USP40: variants seen among roughly 807,000 people sequenced by gnomAD.
The protein encoded by USP40 is ubiquitin specific peptidase 40.
In USP40, 143 loss-of-function variants were observed where a neutral mutation model predicts 166.2. The observed-to-expected ratio is 0.86, with a 90% CI of 0.75 to 0.99. USP40 has a LOEUF of 0.99. Ranked by LOEUF, USP40 falls within the 50% of genes least tolerant of loss-of-function variation. The pLI, the probability that USP40 is intolerant of heterozygous loss-of-function variation, is 0.00. For missense variants in USP40, 1,444 were observed against 1,479.7 expected (o/e 0.98, Z 0.40); for synonymous variants, 498 against 524.0 (o/e 0.95, Z 0.68).
At chr2:233,530,384 T>C (rs1272737456) in intron 11 of USP40, among the ~76,000 whole-genome samples, 3 of 152,232 alleles carry the variant, frequency 2.0e-5, no homozygotes, top group Non-Finnish European at 4.4e-5. Flanking sequence ...AATCTTTTTC[T>C]GTTAGACATT....
intron 6 of USP40, among the ~76,000 whole-genome samples, chr2:233,554,033 C>T (rs2070824409): frequency 6.6e-6 from 1 of 152,134 alleles, no homozygotes; most frequent in Non-Finnish European, 1.5e-5. Context: ...AGACAGCCAT[C>T]TACTTTCATA....
intron 31 of USP40, among the ~76,000 whole-genome samples, chr2:233,478,565 C>T (rs1294556724): frequency 6.6e-6 from 1 of 152,160 alleles, no homozygotes; most frequent in African/African-American, 2.4e-5. Flanking sequence ...TACCCTCTGA[C>T]CTAGCAATTC....
Position 233,533,621 on chromosome 2 carries a change from G to A in USP40, c.1329C>T (p.Ser443=). Residue 443 remains serine (S), a synonymous_variant, in exon 11 of 32, where the codon AGC becomes AGT. Transcript: ENST00000678225. ...LPPESPGLNN[S]ISCPHWFDIN... The stretch of plus-strand genomic sequence containing the variant: ...TATCAAACCAGTGGGGACAGGAGAT[G>A]CTATTGTTTAAACCTGGGGATTCTG... 1 of 1,613,828 alleles carries A rather than the reference G, an allele frequency of 6.2e-7. No individual in the cohort carries two copies.
chr2:233,491,709 A>G (rs1261731403), intron 25 of USP40, among the ~76,000 whole-genome samples: 3 of 152,030 alleles, frequency 2.0e-5, no homozygotes, highest in African/African-American at 2.4e-5. Flanking sequence ...CAGGCCATCT[A>G]TCTTGTCTCC....
chr2:233,512,803 C>G, intron 18 of USP40, 181 bp from the exon 19 acceptor site: 1 of 326,072 alleles, frequency 3.1e-6, no homozygotes, highest in Non-Finnish European at 5.6e-6. Flanking sequence ...CCAAAAACCC[C>G]CCAACAACCA....
intron 10 of USP40, 31 bp downstream of exon 10, chr2:233,540,631 T>G (rs750218908): frequency 6.9e-7 from 1 of 1,459,506 alleles, no homozygotes; most frequent in Non-Finnish European, 9.5e-7. Flanking sequence ...TTCTTGGGAC[T>G]AGGACTTCCC....
rs758148468 is a variant in USP40, at chr2:233,554,485, G to T, written c.588C>A (p.Ser196=). 2 of 1,611,310 alleles carry T rather than the reference G, an allele frequency of 1.2e-6. No homozygotes were observed. Among genetic ancestry groups the T allele is most frequent in the Non-Finnish European group, 1.7e-6 (2 of 1,179,042 alleles). The change falls in exon 6 of 32, where the codon TCC becomes TCA. Residue 196 remains serine, a synonymous_variant. Transcript: ENST00000678225. ...LDLTVAVKNV[S]GLEDALWNMY... ...TGTTCCAGAGAGCATCTTCCAAACC[G>T]GATACATTTTTGACTGCTACTGTTA...
Position 233,486,779 on chromosome 2 carries a change from G to A in USP40, c.3198-802C>T, listed in dbSNP as rs533464443. On this transcript the variant is annotated intron_variant, in intron 28 of 31. Coordinates refer to ENST00000678225, the MANE Select transcript of USP40 (RefSeq NM_001365479.2). This position sits in a 1 kb window ranked among gnomAD's most constrained non-coding sequence, Gnocchi z 4.0. ...GCCCATGGAATCAGGGGAGTGCAGA[G>A]TGCAAGAGCAGAGGCTGCACAGCCC... Among the ~76,000 whole-genome samples the A allele has an allele frequency of 6.6e-6, 1 of 152,340 alleles. No homozygotes were observed. Among genetic ancestry groups the A allele is most frequent in the Admixed American group, 6.5e-5 (1 of 15,310 alleles).
chr2:233,491,832 C>T (rs2065367288), intron 25 of USP40, among the ~76,000 whole-genome samples: 1 of 152,114 alleles, frequency 6.6e-6, no homozygotes, highest in Non-Finnish European at 1.5e-5. Context: ...AAGGGAAAAA[C>T]ACAATGCTTT....
rs1002039462 is a variant in USP40 at position 233,525,475 on chromosome 2, T to C, written c.1810+3A>G. ...AGTTGCTATGTTTTCATATTTATCTTACCGCCAAGTGACTGGTAAATGTGA... is the reference window on the plus strand; with the variant it reads ...AGTTGCTATGTTTTCATATTTATCTCACCGCCAAGTGACTGGTAAATGTGA... On this transcript the variant is annotated splice_donor_region_variant and intron_variant, in intron 14 of 31. Transcript: ENST00000678225. 15 of 1,611,344 alleles carry C rather than the reference T, an allele frequency of 9.3e-6. No individual in the cohort carries two copies. The East Asian group carries it at 3.3e-4, about 36-fold the overall frequency.
chr2:233,519,454 A>G lies in USP40; in HGVS notation c.2383+160T>C. On this transcript the variant is annotated intron_variant, in intron 18 of 31. Coordinates refer to ENST00000678225, the MANE Select transcript of USP40 (RefSeq NM_001365479.2). ...CTTTAACTTCATTTATAATGTTTCA[A>G]ACAAAAACAAACATATGACAAAATG... 16 of 554,670 alleles carry G rather than the reference A, an allele frequency of 2.9e-5. No homozygotes were observed. The South Asian group carries it at 3.2e-4, about 11-fold the overall frequency. 34.4% of individuals were successfully genotyped at this position (554,670 alleles called of 1,614,324 possible). A position where few individuals can be genotyped will look rare whatever the true frequency, so the allele number is the denominator to read the frequency against.
intron 13 of USP40, among the ~76,000 whole-genome samples, chr2:233,525,863 T>G (rs2067987257): frequency 1.3e-5 from 2 of 152,192 alleles, no homozygotes; most frequent in South Asian, 4.1e-4. Context: ...AGAAAGCAAG[T>G]TGATGAGCAT....
At chr2:233,556,712 G>C (rs2071129896) in intron 5 of USP40, 143 bp downstream of exon 5, 9 of 666,604 alleles carry the variant, frequency 1.4e-5, no homozygotes, top group Non-Finnish European at 2.0e-5. Context: ...TCATGATTTA[G>C]GTGTAGTTAG....
At chr2:233,530,205 G>GACACACACAT (rs1553568282) in intron 11 of USP40, among the ~76,000 whole-genome samples, 8 of 149,376 alleles carry the variant, frequency 5.4e-5, no homozygotes, top group African/African-American at 2.0e-4. Flanking sequence ...TCACTCCCAA[G>GACACACACAT]ACACACACAC....
chr2:233,498,611 T>G lies in USP40; in HGVS notation c.2652A>C (p.Gly884=). ...KLMLKKSGLQ[G]DAWHLRKMDW... ...CCATTTTTCGTAAATGCCAGGCATC[T>G]CCTATAAAGGAGTCAAAATTGGGAT... Residue 884 remains glycine, a splice_region_variant and synonymous_variant, in exon 23 of 32, where the codon GGA becomes GGC. Transcript: ENST00000678225. The G allele has an allele frequency of 6.2e-7, 1 of 1,613,188 alleles. No individual in the cohort carries two copies. Among genetic ancestry groups the G allele is most frequent in the South Asian group, 1.1e-5 (1 of 90,964 alleles).
intron 21 of USP40, among the ~76,000 whole-genome samples, chr2:233,501,825 T>C (rs2066089420): frequency 6.6e-6 from 1 of 152,212 alleles, no homozygotes; most frequent in Non-Finnish European, 1.5e-5. Context: ...GTTTGGATGA[T>C]TGTTAGACAA....
chr2:233,498,436 T>G (rs2065870049), intron 23 of USP40, 112 bp downstream of exon 23: 1 of 932,488 alleles, frequency 1.1e-6, no homozygotes, highest in Non-Finnish European at 1.6e-6. Context: ...CATAGATATT[T>G]GTATCCTATA....
chr2:233,499,138 T>A (rs952218893), intron 22 of USP40, among the ~76,000 whole-genome samples: 2 of 152,034 alleles, frequency 1.3e-5, no homozygotes, highest in Non-Finnish European at 2.9e-5. Context: ...TTTTTCCTGA[T>A]GCTCTCCCTC....
At position 233,493,511 on chromosome 2, in the gene USP40, C is replaced by A. The variant is rs1487370661; in HGVS notation, c.2831G>T (p.Gly944Val). ...KVPIWWYQLQ[G>V]PSGHWESHQD... ...ATGACTCTCCCAGTGTCCTGAGGGA[C>A]CCTGAAGCTGGTACCACCAGATGGG... is the stretch of plus-strand genomic sequence containing the variant. Residue 944 changes from glycine (G) to valine (V), a missense_variant, in exon 25 of 32, where the codon GGT becomes GTT. Transcript: ENST00000678225. This position sits in a 1 kb window ranked among gnomAD's most constrained non-coding sequence, Gnocchi z 4.7. The A allele has an allele frequency of 6.2e-7, 1 of 1,613,562 alleles. No homozygotes were observed. Among genetic ancestry groups the A allele is most frequent in the East Asian group, 2.2e-5 (1 of 44,876 alleles).
Sources: allele counts gnomAD v4.1 joint callset (sites outside exome capture counted in the v4.1 genomes callset), GRCh38; gene constraint gnomAD v4.1.1; non-coding constraint Gnocchi (gnomAD v3.1); transcripts MANE v1.5; gene names NCBI Gene and HGNC (gene_info 2026-07-23, HGNC 2026-07-21).